RETREG1: variants seen among roughly 807,000 people sequenced by gnomAD.
RETREG1 encodes reticulophagy regulator 1, also known as family with sequence similarity 134 member B.
A neutral mutation model predicts 54.8 loss-of-function variants in RETREG1; 44 were observed. That is an observed-to-expected ratio of 0.80 (90% CI 0.63 to 1.03). The LOEUF (loss-of-function observed/expected upper bound fraction) is 1.03, where lower values mean the gene tolerates loss of function less well. Ranked by LOEUF, RETREG1 falls within the 50% of genes least tolerant of loss-of-function variation. RETREG1 has a pLI of 0.00. For missense variants in RETREG1, 554 were observed against 605.1 expected, an observed-to-expected ratio of 0.92 and a Z score of 0.89; for synonymous variants, 217 against 238.5, an observed-to-expected ratio of 0.91 and a Z score of 0.83.
At chr5:16,599,000 A>G (rs2126354845) in intron 1 of RETREG1, among the ~76,000 whole-genome samples, 1 of 152,270 alleles carries the variant, frequency 6.6e-6, no homozygotes, top group South Asian at 2.1e-4. Context: ...AGGCTGGCTC[A>G]ATCAGGAGTT....
intron 6 of RETREG1, among the ~76,000 whole-genome samples, chr5:16,478,569 A>G (rs923735702): frequency 1.3e-5 from 2 of 152,166 alleles, no homozygotes; most frequent in Non-Finnish European, 2.9e-5. Context: ...AACCCAAAAT[A>G]AAACTAAGTA....
chr5:16,555,708 T>C (rs555847603), intron 3 of RETREG1, among the ~76,000 whole-genome samples: 63 of 152,262 alleles, frequency 4.1e-4, no homozygotes, highest in African/African-American at 1.3e-3. Flanking sequence ...ACCTTTACAA[T>C]TGGGGAAAAA....
chr5:16,563,705 T>C (rs745454368), intron 3 of RETREG1, among the ~76,000 whole-genome samples: 2 of 152,194 alleles, frequency 1.3e-5, no homozygotes, highest in Non-Finnish European at 2.9e-5. Flanking sequence ...ATGACCTGTG[T>C]GGGTAAAATG....
At chr5:16,550,831 A>T (rs547052451) in intron 3 of RETREG1, among the ~76,000 whole-genome samples, 1 of 152,232 alleles carries the variant, frequency 6.6e-6, no homozygotes, top group Admixed American at 6.5e-5. Flanking sequence ...ACATGAATCA[A>T]CCTTGAAGAT....
In RETREG1 at chr5:16,610,856, C is replaced by T. The variant is rs1194889253; in HGVS notation, c.320+5796G>A. ...TGTGGAAGTCAGTGTGGCGATTCCT[C>T]AGGGATCTAGAACTAGAAATACCAT... On this transcript the variant is annotated intron_variant, in intron 1 of 8. Coordinates refer to ENST00000306320, the MANE Select transcript of RETREG1 (RefSeq NM_001034850.3). 2.0e-5 allele frequency among the ~76,000 whole-genome samples: 3 copies of T among 152,228 alleles called. No homozygotes were observed. The East Asian group carries it at 5.8e-4, about 29-fold the overall frequency.
intron 2 of RETREG1, among the ~76,000 whole-genome samples, chr5:16,571,784 A>G (rs1305987064): frequency 6.6e-6 from 1 of 152,152 alleles, no homozygotes; most frequent in African/African-American, 2.4e-5. Flanking sequence ...CTTAAGACCA[A>G]GAGAAAAACC....
At chr5:16,476,236 A>G (rs1677325) in intron 8 of RETREG1, among the ~76,000 whole-genome samples, 1 of 152,128 alleles carries the variant, frequency 6.6e-6, no homozygotes, top group Non-Finnish European at 1.5e-5. Context: ...TCCACCTTCC[A>G]AACCCATCTT....
intron 3 of RETREG1, among the ~76,000 whole-genome samples, chr5:16,486,125 A>C (rs1739011480): frequency 6.6e-6 from 1 of 152,350 alleles, no homozygotes; most frequent in South Asian, 2.1e-4. Context: ...GAATTGTTAT[A>C]ATCACAAACA....
intron 3 of RETREG1, among the ~76,000 whole-genome samples, chr5:16,523,341 T>C (rs894244836): frequency 2.0e-5 from 3 of 152,178 alleles, no homozygotes; most frequent in African/African-American, 7.2e-5. Context: ...TGGTCTCTTG[T>C]GGTCTATGAG....
chr5:16,586,750 T>A (rs1742635775), intron 1 of RETREG1, among the ~76,000 whole-genome samples: 1 of 152,252 alleles, frequency 6.6e-6, no homozygotes, highest in Non-Finnish European at 1.5e-5. Flanking sequence ...CACATACTGG[T>A]GTCTTAATCC....
intron 1 of RETREG1, among the ~76,000 whole-genome samples, chr5:16,606,251 A>G (rs939680824): frequency 6.6e-6 from 1 of 152,132 alleles, no homozygotes; most frequent in East Asian, 1.9e-4. Flanking sequence ...TGATCGCCAC[A>G]TTGGCTGCTC....
At chr5:16,609,123 A>G (rs542342778) in intron 1 of RETREG1, among the ~76,000 whole-genome samples, 17 of 152,300 alleles carry the variant, frequency 1.1e-4, no homozygotes, top group African/African-American at 3.8e-4. Flanking sequence ...CAGCCACAGG[A>G]AGCTACCATA....
intron 3 of RETREG1, among the ~76,000 whole-genome samples, chr5:16,534,835 T>C (rs548091748): frequency 2.8e-4 from 42 of 152,348 alleles, no homozygotes; most frequent in Non-Finnish European, 4.9e-4. Flanking sequence ...GCTGCCATTT[T>C]TCTTCTTCTG....
intron 1 of RETREG1, among the ~76,000 whole-genome samples, chr5:16,611,663 G>C (rs1743345253): frequency 6.6e-6 from 1 of 152,136 alleles, no homozygotes; most frequent in African/African-American, 2.4e-5. Context: ...CTACCTGAAG[G>C]AACATCAACT....
At chr5:16,524,145 G>T (rs1740624909) in intron 3 of RETREG1, among the ~76,000 whole-genome samples, 1 of 152,176 alleles carries the variant, frequency 6.6e-6, no homozygotes, top group Admixed American at 6.5e-5. Flanking sequence ...CACCAGCAAT[G>T]AACCCAGAGT....
intron 3 of RETREG1, among the ~76,000 whole-genome samples, chr5:16,529,785 G>A (rs1449094336): frequency 6.6e-6 from 1 of 152,142 alleles, no homozygotes. Context: ...AATGGGGGTA[G>A]AAAGTGAAAT....
At chr5:16,521,072 A>G (rs765871856) in intron 3 of RETREG1, among the ~76,000 whole-genome samples, 1 of 152,124 alleles carries the variant, frequency 6.6e-6, no homozygotes, top group African/African-American at 2.4e-5. Flanking sequence ...TGCACTGAAC[A>G]TGGTCTTTAT....
intron 1 of RETREG1, among the ~76,000 whole-genome samples, chr5:16,583,397 G>A (rs925100847): frequency 3.9e-5 from 6 of 152,122 alleles, no homozygotes; most frequent in African/African-American, 1.4e-4. Flanking sequence ...GGAGGCAGAG[G>A]TGGGAGAATC....
At chr5:16,544,736 C>T (rs1377091474) in intron 3 of RETREG1, among the ~76,000 whole-genome samples, 1 of 152,134 alleles carries the variant, frequency 6.6e-6, no homozygotes, top group Admixed American at 6.5e-5. Flanking sequence ...GTCATGCATG[C>T]GTGTGTCTAT....
Sources: allele counts gnomAD v4.1 joint callset (sites outside exome capture counted in the v4.1 genomes callset), GRCh38; gene constraint gnomAD v4.1.1; transcripts MANE v1.5; gene names NCBI Gene and HGNC (gene_info 2026-07-23, HGNC 2026-07-21).